Variants in TRMT9B observed in about 807,000 individuals in gnomAD.
The protein encoded by TRMT9B is tRNA methyltransferase 9B (putative).
Under a neutral mutation model 11.5 loss-of-function variants are expected in TRMT9B, and 16 were observed. The ratio of observed to expected loss-of-function variants is 1.39; its 90% confidence interval spans 0.94 to 2.11. TRMT9B has a LOEUF of 2.11. Among genes scored for constraint, TRMT9B ranks in the 30% most tolerant of loss-of-function variants. TRMT9B has a pLI of 0.00. For synonymous variants in TRMT9B, 274 were observed against 192.4 expected (o/e 1.42, Z -3.51); for missense variants, 941 against 553.8 (o/e 1.70, Z -7.02).
At chr8:12,955,366 T>A (rs563239641) in intron 1 of TRMT9B, among the ~76,000 whole-genome samples, 2 of 152,026 alleles carry the variant, frequency 1.3e-5, no homozygotes, top group African/African-American at 4.8e-5. Flanking sequence ...AGGAGTTTGG[T>A]GTATGGTCCT....
Position 12,968,796 on chromosome 8 carries a change from G to A in TRMT9B, c.-199-22038G>A, listed in dbSNP as rs577947537. Among the ~76,000 whole-genome samples the A allele has an allele frequency of 2.6e-5, 4 of 152,222 alleles. No individual in the cohort carries two copies. In the East Asian group the frequency reaches 7.7e-4, roughly 29 times the overall value. On this transcript the variant is annotated intron_variant, in intron 1 of 4. Coordinates refer to ENST00000524591, the MANE Select transcript of TRMT9B (RefSeq NM_020844.3). ...TACTAGAAGAGGTGCAGTATGGTGG[G>A]TAGAGAGCCATGCTGTTCATTATCT...
Position 12,991,018 on chromosome 8 carries a change from A to C in TRMT9B, c.-15A>C. On this transcript the variant is annotated 5_prime_UTR_variant, in exon 2 of 5. Coordinates refer to ENST00000524591, the MANE Select transcript of TRMT9B (RefSeq NM_020844.3). ...GACAAGAGGTAATTTTCCTGTAATC[A>C]CAGGATGACTCAGGTTAGTAGCTTT... The C allele has an allele frequency of 3.9e-6, 5 of 1,267,140 alleles. No homozygotes were observed. Among genetic ancestry groups the C allele is most frequent in the Non-Finnish European group, 5.1e-6 (5 of 976,644 alleles). The allele number at this position is 1,267,140 out of a possible 1,614,324, so 78.5% of individuals were successfully genotyped here. A position where few individuals can be genotyped will look rare whatever the true frequency, so the allele number is the denominator to read the frequency against.
chr8:12,967,395 C>T (rs78630542), intron 1 of TRMT9B, among the ~76,000 whole-genome samples: 3,762 of 152,254 alleles, frequency 0.025, 165 homozygotes, highest in African/African-American at 0.086. Flanking sequence ...CATCCTATAG[C>T]TCCCCTACAA....
chr8:13,003,539 C>T (rs997602592), intron 2 of TRMT9B, among the ~76,000 whole-genome samples: 2 of 151,972 alleles, frequency 1.3e-5, no homozygotes, highest in Non-Finnish European at 2.9e-5. Context: ...TGTGCCACCG[C>T]TGAGAAACAG....
At position 12,975,735 on chromosome 8, in the gene TRMT9B, C is replaced by CAAAAAT. The variant is rs33972121; in HGVS notation, c.-199-15071_-199-15066dup. 7.5e-4 allele frequency among the ~76,000 whole-genome samples: 112 copies of CAAAAAT among 149,218 alleles called. 1 individual carries two copies. Among genetic ancestry groups the CAAAAAT allele is most frequent in the African/African-American group, 2.2e-3 (87 of 40,376 alleles). On this transcript the variant is annotated intron_variant, in intron 1 of 4. Coordinates refer to ENST00000524591, the MANE Select transcript of TRMT9B (RefSeq NM_020844.3). ...TGTGGGCGACAGAGCAAGACTGTCT[C>CAAAAAT]AAAAATAAAAATAAAAATAAAAATA...
intron 4 of TRMT9B, among the ~76,000 whole-genome samples, chr8:13,020,706 C>A (rs781135031): frequency 5.2e-4 from 79 of 152,276 alleles, no homozygotes; most frequent in Non-Finnish European, 8.7e-4. Context: ...CTGGAAGAGA[C>A]TTTATGGATT....
intron 1 of TRMT9B, among the ~76,000 whole-genome samples, chr8:12,959,293 T>C (rs1054186397): frequency 6.6e-6 from 1 of 152,178 alleles, no homozygotes; most frequent in Admixed American, 6.5e-5. Flanking sequence ...ATCCCACACC[T>C]GACTTCACTT....
rs573957523 is a variant in TRMT9B, at chr8:12,979,390, C to T, written c.-199-11444C>T. The stretch of plus-strand genomic sequence containing the variant: ...AGAGATAAGACAATCAAGCCTGTGT[C>T]GAGTTAAGAATTAAATGGGAGGTTG... On this transcript the variant is annotated intron_variant, in intron 1 of 4. Coordinates refer to ENST00000524591, the MANE Select transcript of TRMT9B (RefSeq NM_020844.3). Among the ~76,000 whole-genome samples the T allele has an allele frequency of 3.2e-4, 49 of 152,064 alleles. No individual in the cohort carries two copies. The South Asian group carries it at 6.0e-3, about 19-fold the overall frequency.
At chr8:12,962,279 A>G (rs1308777011) in intron 1 of TRMT9B, 15 of 152,248 alleles carry the variant, frequency 9.9e-5, no homozygotes, top group Non-Finnish European at 1.3e-4. Context: ...ACACCCATAC[A>G]TATACATTAT....
chr8:12,956,237 C>G (rs2977085), intron 1 of TRMT9B, among the ~76,000 whole-genome samples: 46,808 of 151,942 alleles, frequency 0.31, 7,754 homozygotes, highest in East Asian at 0.65. Context: ...TCCATCATGC[C>G]TAACACATAT....
At chr8:12,946,747 A>G (rs1445491514) in intron 1 of TRMT9B, among the ~76,000 whole-genome samples, 1 of 152,240 alleles carries the variant, frequency 6.6e-6, no homozygotes, top group Non-Finnish European at 1.5e-5. Context: ...GGTGCTTGAG[A>G]AATGATGAGA....
chr8:12,975,973 G>A (rs1188896160), intron 1 of TRMT9B, among the ~76,000 whole-genome samples: 1 of 152,118 alleles, frequency 6.6e-6, no homozygotes, highest in Admixed American at 6.5e-5. Flanking sequence ...TTCTATATGA[G>A]CCATGGTTGC....
chr8:12,952,341 C>T (rs1460915263), intron 1 of TRMT9B: 2 of 322,188 alleles, frequency 6.2e-6, no homozygotes, highest in Admixed American at 3.8e-5. Context: ...GAGCCCGCGC[C>T]CGGGTCTGGC....
At position 13,027,944 on chromosome 8, in the gene TRMT9B, C is replaced by G. The variant is rs1814889614; in HGVS notation, c.*5900C>G. ...ACTCCATATCTGCAACCTCAGTTAT[C>G]TACAACACTGAGGTGCAAACATTTA... On this transcript the variant is annotated 3_prime_UTR_variant, in exon 5 of 5. Coordinates refer to ENST00000524591, the MANE Select transcript of TRMT9B (RefSeq NM_020844.3). The G allele has an allele frequency of 6.0e-6, 1 of 167,006 alleles. No individual in the cohort carries two copies. Among genetic ancestry groups the G allele is most frequent in the African/African-American group, 2.4e-5 (1 of 41,458 alleles). The allele number at this position is 167,006 out of a possible 1,614,324, so 10.3% of individuals were successfully genotyped here.
In TRMT9B at chr8:13,027,231, A is replaced by G. The variant is rs933565863; in HGVS notation, c.*5187A>G. The G allele has an allele frequency of 1.2e-5, 2 of 167,072 alleles. No individual in the cohort carries two copies. The highest frequency in any genetic ancestry group is 4.1e-4 in the South Asian group (2 of 4,836). 10.3% of individuals were successfully genotyped at this position (167,072 alleles called of 1,614,324 possible). A position where few individuals can be genotyped will look rare whatever the true frequency, so the allele number is the denominator to read the frequency against. ...TATCTGGCATCTTGAAGGTACCCAG[A>G]ATATTAGAATTAACTGACCCACAGG... On this transcript the variant is annotated 3_prime_UTR_variant, in exon 5 of 5. Coordinates refer to ENST00000524591, the MANE Select transcript of TRMT9B (RefSeq NM_020844.3).
chr8:12,957,677 G>C (rs563647538), intron 1 of TRMT9B, among the ~76,000 whole-genome samples: 1 of 152,254 alleles, frequency 6.6e-6, no homozygotes, highest in African/African-American at 2.4e-5. Context: ...ACCTAGGGGT[G>C]ACCAGGACTT....
intron 1 of TRMT9B, among the ~76,000 whole-genome samples, chr8:12,959,606 A>G (rs931019801): frequency 4.4e-5 from 6 of 135,000 alleles, no homozygotes; most frequent in Non-Finnish European, 6.1e-5. Flanking sequence ...TGGAACCTCA[A>G]CCTCCTGGGC....
intron 1 of TRMT9B, among the ~76,000 whole-genome samples, chr8:12,963,010 G>T (rs538520040): frequency 1.3e-5 from 2 of 152,098 alleles, no homozygotes; most frequent in Non-Finnish European, 2.9e-5. Context: ...TTCCCAGTCC[G>T]CTGAGTATTA....
At chr8:12,956,547 T>C (rs1319556631) in intron 1 of TRMT9B, among the ~76,000 whole-genome samples, 1 of 152,222 alleles carries the variant, frequency 6.6e-6, no homozygotes, top group Non-Finnish European at 1.5e-5. Context: ...AGGAAAATGA[T>C]TGTTTAAAAA....
Sources: gnomAD v4.1 joint callset for allele counts (sites outside exome capture counted in the v4.1 genomes callset) on GRCh38, gnomAD v4.1.1 for gene constraint, MANE v1.5 for transcripts, NCBI Gene and HGNC (gene_info 2026-07-23, HGNC 2026-07-21) for gene names.